ARHGEF18: variants seen among roughly 807,000 people sequenced by gnomAD.
ARHGEF18 encodes rho guanine nucleotide exchange factor 18.
ARHGEF18 carries 93 observed loss-of-function variants against 155.7 expected under a neutral mutation model. The ratio of observed to expected loss-of-function variants is 0.60; its 90% CI spans 0.50 to 0.71. ARHGEF18 has a LOEUF of 0.71. Ranked by LOEUF, ARHGEF18 falls within the 30% of genes least tolerant of loss-of-function variation. The pLI is 0.00. For missense variants in ARHGEF18, 1,593 were observed against 1,816.1 expected, an observed-to-expected ratio of 0.88 and a Z score of 2.23; for synonymous variants, 742 against 753.1, an observed-to-expected ratio of 0.99 and a Z score of 0.24.
Position 7,470,419 on chromosome 19 carries a change from C to T in ARHGEF18, c.*121C>T. On this transcript the variant is annotated 3_prime_UTR_variant, in exon 29 of 29. Transcript: ENST00000668164. The surrounding 1 kb of genome is among the most constrained non-coding windows in gnomAD (Gnocchi z 5.9). ...TCCCCTCCTCTTCCCTAGCAAACCA[C>T]TGATGACCGCCTGGCAGGGGCCAGC... The T allele has an allele frequency of 9.9e-7, 1 of 1,011,668 alleles. No individual in the cohort carries two copies. The highest frequency in any genetic ancestry group is 1.3e-6 in the Non-Finnish European group (1 of 779,208). The allele number at this position is 1,011,668 out of a possible 1,614,324, so 62.7% of individuals were successfully genotyped here.
intron 10 of ARHGEF18, among the ~76,000 whole-genome samples, chr19:7,398,040 T>C (rs1315534695): frequency 6.6e-6 from 1 of 152,196 alleles, no homozygotes; most frequent in African/African-American, 2.4e-5. Context: ...ATCATGCCAC[T>C]GTGTATATAT....
chr19:7,408,796 C>T (rs548787349), intron 10 of ARHGEF18, among the ~76,000 whole-genome samples: 26 of 152,292 alleles, frequency 1.7e-4, no homozygotes, highest in African/African-American at 6.0e-4. Context: ...TAATCTCACA[C>T]TTTGGGAGGC....
At chr19:7,451,328 T>C in intron 16 of ARHGEF18, 62 bp downstream of exon 16, 1 of 1,390,986 alleles carries the variant, frequency 7.2e-7, no homozygotes, top group Admixed American at 1.8e-5. Context: ...TCTCTCCGTG[T>C]ACCCACTCCC....
At chr19:7,478,516 C>G in the ARHGEF18 span, 1 of 843,896 alleles carries the variant, frequency 1.2e-6, no homozygotes, top group Non-Finnish European at 1.9e-6. Flanking sequence ...CCCCACAGTC[C>G]CACACCCTCC....
rs1969970081 is a variant in ARHGEF18, at chr19:7,367,805, T to TATATATATTTTATATATATATACAC, written c.15+4909_15+4933dup. Among the ~76,000 whole-genome samples the TATATATATTTTATATATATATACAC allele has an allele frequency of 5.9e-5, 6 of 101,442 alleles. 2 individuals are homozygous for TATATATATTTTATATATATATACAC. The highest frequency in any genetic ancestry group is 1.0e-4 in the Non-Finnish European group (5 of 49,084). 66.5% of individuals were successfully genotyped at this position (101,442 alleles called of 152,430 possible). On this transcript the variant is annotated intron_variant, in intron 2 of 28. Transcript: ENST00000668164. ...TATATATTTTATATATATATACACA[T>TATATATATTTTATATATATATACAC]ATATATATTTTATATATATATACAC... is the stretch of plus-strand genomic sequence containing the variant.
In ARHGEF18 at chr19:7,441,781, C is replaced by A; in HGVS notation, c.1219+16C>A. The stretch of plus-strand genomic sequence containing the variant: ...TTTGTAGAAGGTATGGTCATCTCCG[C>A]TCTCTCGCGGCTGCCACACAGTTCC... On this transcript the variant is annotated intron_variant, in intron 12 of 28. Transcript: ENST00000668164. 1.2e-6 allele frequency: 2 copies of A among 1,613,742 alleles called. No homozygotes were observed. The highest frequency in any genetic ancestry group is 1.7e-6 in the Non-Finnish European group (2 of 1,179,620).
Position 7,451,166 on chromosome 19 carries a change from C to T in ARHGEF18, c.1755C>T (p.Ser585=). 7 of 1,518,700 alleles carry T rather than the reference C, an allele frequency of 4.6e-6. No homozygotes were observed. The highest frequency in any genetic ancestry group is 6.1e-6 in the Non-Finnish European group (7 of 1,139,084). 94.1% of individuals were successfully genotyped at this position (1,518,700 alleles called of 1,614,324 possible). Residue 585 remains serine (S), a synonymous_variant, in exon 16 of 29, where the codon TCC becomes TCT. Coordinates refer to ENST00000668164, the MANE Select transcript of ARHGEF18 (RefSeq NM_001367823.1). The part of the protein sequence containing the change: ...QNLIKKIGNF[S]IVRRLGVQEC... ...TTTCCTAGAAAATTGGCAACTTCTCCATCGTGCGGCGGCTTGGCGTGCAGG... is the reference window on the plus strand; with the variant it reads ...TTTCCTAGAAAATTGGCAACTTCTCTATCGTGCGGCGGCTTGGCGTGCAGG...
rs770679044 is a variant in ARHGEF18 at position 7,447,122 on chromosome 19, A to T, written c.1691A>T (p.Tyr564Phe). The change falls in exon 15 of 29, where the codon TAC (tyrosine) becomes TTC (phenylalanine). Residue 564 changes from tyrosine (Y) to phenylalanine (F), a missense_variant. Physicochemically the swap from Tyr to Phe is conservative, Grantham distance 22. Coordinates refer to ENST00000668164, the MANE Select transcript of ARHGEF18 (RefSeq NM_001367823.1). ...CSGHNEAVSH[Y>F]KLLLQQNKKF... ...GGCCACAATGAAGCTGTTAGTCATT[A>T]CAAGTTGCTGCTTCAGCAAAACAAG... 1.2e-6 allele frequency: 2 copies of T among 1,613,756 alleles called. No homozygotes were observed. The highest frequency in any genetic ancestry group is 4.5e-5 in the East Asian group (2 of 44,878).
intron 16 of ARHGEF18, 141 bp downstream of exon 16, chr19:7,451,407 T>G: frequency 2.2e-6 from 1 of 451,848 alleles, no homozygotes; most frequent in Non-Finnish European, 3.7e-6. Flanking sequence ...TTCCTTCCTT[T>G]TTTTTTTTTT....
At chr19:7,477,117 C>T, downstream of ARHGEF18, 1 of 1,279,668 alleles carries the variant, frequency 7.8e-7, no homozygotes, top group South Asian at 1.7e-5. Context: ...TCCATGAGAG[C>T]CCCGGCCCCT....
chr19:7,434,162 A>G (rs1600424400), intron 10 of ARHGEF18, among the ~76,000 whole-genome samples: 1 of 152,010 alleles, frequency 6.6e-6, no homozygotes, highest in Non-Finnish European at 1.5e-5. Context: ...TTTTTAAAAA[A>G]ACAAAAAATT....
intron 10 of ARHGEF18, among the ~76,000 whole-genome samples, chr19:7,409,337 AAAAAAAAAAAG>A (rs1222256005): frequency 6.6e-6 from 1 of 150,798 alleles, no homozygotes; most frequent in East Asian, 1.9e-4. Flanking sequence ...TAAAAAAAAA[AAAAAAAAAAAG>A]ACTTAATGGC....
Position 7,440,147 on chromosome 19 carries a change from C to T in ARHGEF18, c.968-197C>T, listed in dbSNP as rs1299749275. ...AAAGCGGGGACAGGCACAGCGCGCT[C>T]CCCGGCCGCCCCGAGCTGTCTTTTT... On this transcript the variant is annotated intron_variant, in intron 10 of 28. Transcript: ENST00000668164. This position sits in a 1 kb window ranked among gnomAD's most constrained non-coding sequence, Gnocchi z 5.4. The T allele has an allele frequency of 4.5e-6, 7 of 1,551,176 alleles. No homozygotes were observed. Among genetic ancestry groups the T allele is most frequent in the East Asian group, 2.4e-5 (1 of 40,920 alleles).
At position 7,364,377 on chromosome 19, in the gene ARHGEF18, G is replaced by GAAGA. The variant is rs1383006142; in HGVS notation, c.15+1475_15+1476insAAAG. 6.4e-4 allele frequency among the ~76,000 whole-genome samples: 86 copies of GAAGA among 133,734 alleles called. 1 individual carries two copies. The highest frequency in any genetic ancestry group is 2.2e-4 in the East Asian group (1 of 4,548). The allele number at this position is 133,734 out of a possible 152,430, so 87.7% of individuals were successfully genotyped here. ...GAAGGAGGGAAGGAAAGGAAGGAAG[G>GAAGA]AAGGAAGGAAGGAAGGAAGGAAGGA... On this transcript the variant is annotated intron_variant, in intron 2 of 28. Transcript: ENST00000668164.
chr19:7,422,716 C>CTTTT lies in ARHGEF18; in HGVS notation c.968-17611_968-17608dup, dbSNP rs67634093. Among the ~76,000 whole-genome samples the CTTTT allele has an allele frequency of 1.2e-4, 13 of 111,212 alleles. 1 individual carries two copies. Among genetic ancestry groups the CTTTT allele is most frequent in the East Asian group, 5.5e-4 (2 of 3,630 alleles). 73.0% of individuals were successfully genotyped at this position (111,212 alleles called of 152,430 possible). A position where few individuals can be genotyped will look rare whatever the true frequency, so the allele number is the denominator to read the frequency against. On this transcript the variant is annotated intron_variant, in intron 10 of 28. Transcript: ENST00000668164. ...CACAACAAAATGTGTTCTAACTTTT[C>CTTTT]TTTTTTTTTTTTTTTTTTTTGAGAT...
intron 3 of ARHGEF18, 64 bp from the exon 4 acceptor site, chr19:7,375,656 G>A (rs1431546355): frequency 8.1e-7 from 1 of 1,230,872 alleles, no homozygotes; most frequent in African/African-American, 1.6e-5. Context: ...CCCCCTGGAT[G>A]CCTGGGGCAG....
chr19:7,470,125 G>C lies in ARHGEF18; in HGVS notation c.3914-1G>C. 6.2e-7 allele frequency: 1 copy of C among 1,612,292 alleles called. No individual in the cohort carries two copies. Among genetic ancestry groups the C allele is most frequent in the Non-Finnish European group, 8.5e-7 (1 of 1,179,736 alleles). ...CAGTCTGAACCCTCTCTCTGTTCCAGACCCTGGCTTCCCCGCCCCGAGCCC... is the reference window on the plus strand; with the variant it reads ...CAGTCTGAACCCTCTCTCTGTTCCACACCCTGGCTTCCCCGCCCCGAGCCC... On this transcript the variant is annotated splice_acceptor_variant, in intron 28 of 28. Transcript: ENST00000668164. LOFTEE classifies it high-confidence loss of function. This position sits in a 1 kb window ranked among gnomAD's most constrained non-coding sequence, Gnocchi z 5.9.
At chr19:7,387,493 C>G (rs768573269) in intron 10 of ARHGEF18, among the ~76,000 whole-genome samples, 11 of 151,972 alleles carry the variant, frequency 7.2e-5, no homozygotes, top group Non-Finnish European at 1.5e-4. Flanking sequence ...TTTGCATACG[C>G]TGAAAGCTAA....
chr19:7,446,968 C>A, intron 14 of ARHGEF18, 75 bp from the exon 15 acceptor site: 1 of 1,496,232 alleles, frequency 6.7e-7, no homozygotes, highest in Non-Finnish European at 9.1e-7. Context: ...TTTTAGCAGA[C>A]TCAGACGAAT....
Sources: allele counts gnomAD v4.1 joint callset (sites outside exome capture counted in the v4.1 genomes callset), GRCh38; gene constraint gnomAD v4.1.1; non-coding constraint Gnocchi (gnomAD v3.1); transcripts MANE v1.5; gene names NCBI Gene and HGNC (gene_info 2026-07-23, HGNC 2026-07-21).